The following CYTH1 variants were observed in gnomAD, a reference collection of about 807,000 sequenced individuals.
The protein encoded by CYTH1 is cytohesin 1, also known as cytohesin-1.
CYTH1 carries 18 observed loss-of-function variants against 61.8 expected under a neutral mutation model. That is an observed-to-expected ratio of 0.29 (90% CI 0.20 to 0.43). The LOEUF (loss-of-function observed/expected upper bound fraction) is 0.43, where lower values mean the gene tolerates loss of function less well. Ranked by LOEUF, CYTH1 falls within the 20% of genes least tolerant of loss-of-function variation. The probability of loss-of-function intolerance (pLI) is 1.00; values close to 1 mark genes in which losing one functional copy is unlikely to be tolerated. For synonymous variants in CYTH1, 174 were observed against 184.3 expected, an observed-to-expected ratio of 0.94 and a Z score of 0.45; for missense variants, 336 against 510.5, an observed-to-expected ratio of 0.66 and a Z score of 3.29.
intron 1 of CYTH1, among the ~76,000 whole-genome samples, chr17:78,760,553 A>ATG (rs1463384906): frequency 7.2e-5 from 2 of 27,970 alleles, no homozygotes; most frequent in African/African-American, 1.1e-4. Context: ...ATGTATATAT[A>ATG]TATGTATATA....
chr17:78,744,487 C>T (rs187237998), intron 1 of CYTH1, among the ~76,000 whole-genome samples: 4 of 152,334 alleles, frequency 2.6e-5, no homozygotes, highest in African/African-American at 9.6e-5. Flanking sequence ...TGGGGTGGAG[C>T]ATAACAAAGA....
At position 78,741,214 on chromosome 17, in the gene CYTH1, A is replaced by C. The variant is rs557775254; in HGVS notation, c.23-31482T>G. The stretch of plus-strand genomic sequence containing the variant: ...CCCTCCAGCAATAGATTAGGTGGGA[A>C]TACACAAGCATGTAATGGTCTAAAA... On this transcript the variant is annotated intron_variant, in intron 1 of 13. Coordinates refer to ENST00000446868, the MANE Select transcript of CYTH1 (RefSeq NM_004762.6). Among the ~76,000 whole-genome samples the C allele has an allele frequency of 9.8e-5, 15 of 152,310 alleles. No homozygotes were observed. In the East Asian group the frequency reaches 2.9e-3, roughly 29 times the overall value.
intron 1 of CYTH1, among the ~76,000 whole-genome samples, chr17:78,735,984 C>T (rs1299825476): frequency 1.2e-4 from 18 of 152,344 alleles, no homozygotes; most frequent in Middle Eastern, 3.4e-3. Context: ...CATCCCATTA[C>T]TCATAGCTCC....
intron 1 of CYTH1, among the ~76,000 whole-genome samples, chr17:78,744,220 T>A (rs1489377121): frequency 6.6e-6 from 1 of 152,238 alleles, no homozygotes; most frequent in East Asian, 1.9e-4. Context: ...ACTGCCTTGC[T>A]GCAGGAGATG....
chr17:78,718,419 C>T (rs1448215266), intron 1 of CYTH1, among the ~76,000 whole-genome samples: 1 of 152,134 alleles, frequency 6.6e-6, no homozygotes, highest in Non-Finnish European at 1.5e-5. Context: ...GGCTCAAAAG[C>T]GCGCATCTGG....
intron 3 of CYTH1, 66 bp from the exon 4 acceptor site, chr17:78,702,670 T>C: frequency 2.1e-6 from 3 of 1,458,588 alleles, no homozygotes; most frequent in African/African-American, 2.8e-5. Context: ...AAGACTAATA[T>C]GATTTCCACT....
At chr17:78,767,346 A>G (rs1031415022) in intron 1 of CYTH1, among the ~76,000 whole-genome samples, 12 of 152,168 alleles carry the variant, frequency 7.9e-5, no homozygotes, top group African/African-American at 2.9e-4. Flanking sequence ...CTCACTCAGA[A>G]CACAGTGAAA....
intron 1 of CYTH1, among the ~76,000 whole-genome samples, chr17:78,729,888 A>AGT (rs1457347520): frequency 1.6e-4 from 24 of 152,296 alleles, no homozygotes; most frequent in African/African-American, 5.5e-4. Flanking sequence ...CAAAGCAAGG[A>AGT]CTGTGGAAAG....
chr17:78,715,717 G>T (rs2093175087), intron 1 of CYTH1, among the ~76,000 whole-genome samples: 1 of 152,152 alleles, frequency 6.6e-6, no homozygotes, highest in Admixed American at 6.5e-5. Context: ...TGTCCTCTGG[G>T]CCATCAGGGA....
At chr17:78,769,735 A>C (rs2093462978) in intron 1 of CYTH1, among the ~76,000 whole-genome samples, 1 of 152,218 alleles carries the variant, frequency 6.6e-6, no homozygotes, top group Non-Finnish European at 1.5e-5. Context: ...CCAATCTGCG[A>C]GCCGGATGCA....
chr17:78,740,931 C>T (rs1431524171), intron 1 of CYTH1, among the ~76,000 whole-genome samples: 1 of 152,004 alleles, frequency 6.6e-6, no homozygotes, highest in African/African-American at 2.4e-5. Flanking sequence ...TTTAAAATAA[C>T]TAAAAAAATA....
At chr17:78,764,554 C>T (rs1171363886) in intron 1 of CYTH1, among the ~76,000 whole-genome samples, 1 of 152,122 alleles carries the variant, frequency 6.6e-6, no homozygotes, top group East Asian at 1.9e-4. Context: ...GAGGAACTCA[C>T]TAACTGGTTA....
chr17:78,756,735 G>C (rs1385533490), intron 1 of CYTH1, among the ~76,000 whole-genome samples: 1 of 151,988 alleles, frequency 6.6e-6, no homozygotes, highest in African/African-American at 2.4e-5. Flanking sequence ...ACTGGGGTGA[G>C]AGGATCACTT....
At chr17:78,743,100 G>GT (rs1255963121) in intron 1 of CYTH1, among the ~76,000 whole-genome samples, 1 of 152,042 alleles carries the variant, frequency 6.6e-6, no homozygotes, top group Non-Finnish European at 1.5e-5. Context: ...AAAATGTTGC[G>GT]TAACTATTTT....
intron 1 of CYTH1, among the ~76,000 whole-genome samples, chr17:78,778,499 G>A (rs1407203196): frequency 7.3e-5 from 11 of 151,504 alleles, no homozygotes; most frequent in African/African-American, 2.4e-4. Flanking sequence ...TCAGCCGGGT[G>A]TGGTGGCAGG....
intron 11 of CYTH1, among the ~76,000 whole-genome samples, chr17:78,686,767 TAAGTTAATTAA>T (rs2092820893): frequency 6.6e-6 from 1 of 152,120 alleles, no homozygotes; most frequent in Non-Finnish European, 1.5e-5. Flanking sequence ...TACATTTTTT[TAAGTTAATTAA>T]TTTATTTATT....
intron 1 of CYTH1, among the ~76,000 whole-genome samples, chr17:78,757,237 C>G (rs565007792): frequency 6.6e-6 from 1 of 152,010 alleles, no homozygotes; most frequent in Non-Finnish European, 1.5e-5. Context: ...CGTGAGCCAC[C>G]ATGCCCGGAC....
chr17:78,767,434 G>T (rs1031973916), intron 1 of CYTH1, among the ~76,000 whole-genome samples: 1 of 152,158 alleles, frequency 6.6e-6, no homozygotes, highest in African/African-American at 2.4e-5. Flanking sequence ...GCCCTACACT[G>T]TGAGCTTCTG....
At chr17:78,737,326 T>C (rs1333398004) in intron 1 of CYTH1, among the ~76,000 whole-genome samples, 1 of 152,246 alleles carries the variant, frequency 6.6e-6, no homozygotes, top group Non-Finnish European at 1.5e-5. Flanking sequence ...TTATGCTATA[T>C]TGTTTAAAGA....
Sources: gnomAD v4.1 joint callset for allele counts (sites outside exome capture counted in the v4.1 genomes callset) on GRCh38, gnomAD v4.1.1 for gene constraint, MANE v1.5 for transcripts, NCBI Gene and HGNC (gene_info 2026-07-23, HGNC 2026-07-21) for gene names.